AMDHD1: variants seen among roughly 807,000 people sequenced by gnomAD.
AMDHD1 encodes amidohydrolase domain containing 1.
In AMDHD1, 45 loss-of-function variants were observed where a neutral mutation model predicts 44.1. That is an observed-to-expected ratio of 1.02 (90% confidence interval 0.80 to 1.31). The LOEUF (loss-of-function observed/expected upper bound fraction) is 1.31. Among genes scored for constraint, AMDHD1 ranks in the 50% most tolerant of loss-of-function variants. The probability of loss-of-function intolerance (pLI) is 0.00; values close to 1 mark genes in which losing one functional copy is unlikely to be tolerated. For synonymous variants in AMDHD1, 206 were observed against 205.0 expected (o/e 1.00, Z -0.04); for missense variants, 586 against 552.1 (o/e 1.06, Z -0.61).
chr12:95,951,227 C>G (rs116000024), intron 1 of AMDHD1, among the ~76,000 whole-genome samples: 308 of 152,152 alleles, frequency 2.0e-3, no homozygotes, highest in African/African-American at 7.1e-3. Context: ...CCCCATTTTT[C>G]TCCTCTCCCC....
chr12:95,959,318 A>G (rs1368371519), intron 4 of AMDHD1, among the ~76,000 whole-genome samples: 1 of 152,206 alleles, frequency 6.6e-6, no homozygotes, highest in Non-Finnish European at 1.5e-5. Context: ...CGTGGCCACC[A>G]TGTGGTAGAG....
chr12:95,947,672 G>A (rs1180872749), intron 1 of AMDHD1, among the ~76,000 whole-genome samples: 5 of 50,350 alleles, frequency 9.9e-5, no homozygotes, highest in African/African-American at 3.7e-4. Flanking sequence ...GGAGGTGAGG[G>A]GCGCCTCTGC....
chr12:95,963,592 A>C (rs1049254802), intron 6 of AMDHD1, among the ~76,000 whole-genome samples: 1 of 152,254 alleles, frequency 6.6e-6, no homozygotes, highest in Non-Finnish European at 1.5e-5. Flanking sequence ...CACAATGTAG[A>C]CTATAATCAG....
chr12:95,944,842 A>G (rs891133118), intron 1 of AMDHD1, among the ~76,000 whole-genome samples: 2 of 152,190 alleles, frequency 1.3e-5, no homozygotes, highest in African/African-American at 2.4e-5. Flanking sequence ...TATAAAAATT[A>G]TATCAATGCG....
chr12:95,949,364 TA>T (rs1348505588), intron 1 of AMDHD1, among the ~76,000 whole-genome samples: 1 of 152,172 alleles, frequency 6.6e-6, no homozygotes, highest in Non-Finnish European at 1.5e-5. Context: ...TCATCATCAT[TA>T]CTGTTTTCAT....
chr12:95,967,736 GTTTTTTT>G lies in AMDHD1; in HGVS notation c.1194-11_1194-5del. 1 of 1,259,506 alleles carries G rather than the reference GTTTTTTT, an allele frequency of 7.9e-7. No individual in the cohort carries two copies. The highest frequency in any genetic ancestry group is 1.7e-5 in the African/African-American group (1 of 60,340). The allele number at this position is 1,259,506 out of a possible 1,614,324, so 78.0% of individuals were successfully genotyped here. ...TGCACACATTGAAGTAATATTTGTT[GTTTTTTT>G]TTTTTTTTCTAGATGGGAGCATTTG... On this transcript the variant is annotated splice_polypyrimidine_tract_variant and intron_variant, in intron 8 of 8. Coordinates refer to ENST00000266736, the MANE Select transcript of AMDHD1 (RefSeq NM_152435.3).
chr12:95,962,432 G>A lies in AMDHD1; in HGVS notation c.891G>A (p.Thr297=), dbSNP rs547323409. ...ATGAAGGCATCGTTGCCATGGCAAC[G>A]GCCAGGTGCTCTGCCATCCTTCTGC... is the stretch of plus-strand genomic sequence containing the variant. ...VSDEGIVAMA[T]ARCSAILLPT... is the part of the protein sequence containing the mutation. Residue 297 remains threonine, a synonymous_variant, in exon 6 of 9, where the codon ACG becomes ACA. Coordinates refer to ENST00000266736, the MANE Select transcript of AMDHD1 (RefSeq NM_152435.3). The A allele has an allele frequency of 1.6e-5, 26 of 1,613,944 alleles. No individual in the cohort carries two copies. The highest frequency in any genetic ancestry group is 8.9e-5 in the East Asian group (4 of 44,870).
intron 2 of AMDHD1, among the ~76,000 whole-genome samples, chr12:95,953,526 T>G (rs989844498): frequency 2.0e-5 from 3 of 152,058 alleles, no homozygotes; most frequent in Non-Finnish European, 2.9e-5. Context: ...ATATAAAATT[T>G]TTATACTTTT....
intron 1 of AMDHD1, among the ~76,000 whole-genome samples, chr12:95,949,585 A>G (rs1410179673): frequency 6.6e-6 from 1 of 152,190 alleles, no homozygotes; most frequent in African/African-American, 2.4e-5. Context: ...GGAAAAAGTC[A>G]CTCAAACCCC....
At chr12:95,954,302 G>T (rs944154120) in intron 2 of AMDHD1, among the ~76,000 whole-genome samples, 5 of 152,102 alleles carry the variant, frequency 3.3e-5, no homozygotes, top group African/African-American at 7.2e-5. Flanking sequence ...AGGAGTAGTG[G>T]CTGATGCTTG....
intron 1 of AMDHD1, among the ~76,000 whole-genome samples, chr12:95,951,209 T>G (rs2080524495): frequency 2.6e-5 from 4 of 152,182 alleles, no homozygotes. Flanking sequence ...TTTCTAGCCA[T>G]TAACAATCCC....
intron 4 of AMDHD1, among the ~76,000 whole-genome samples, chr12:95,960,178 T>C (rs2080573730): frequency 6.6e-6 from 1 of 152,166 alleles, no homozygotes; most frequent in African/African-American, 2.4e-5. Context: ...TCTCTGTGCA[T>C]AGGGTCAGTG....
At chr12:95,964,654 T>C (rs1201271320) in intron 6 of AMDHD1, among the ~76,000 whole-genome samples, 2 of 151,912 alleles carry the variant, frequency 1.3e-5, no homozygotes, top group African/African-American at 4.8e-5. Flanking sequence ...TGATCGATCA[T>C]AGACTGGGAG....
In AMDHD1 at chr12:95,943,350, C is replaced by T; in HGVS notation, c.-49C>T. On this transcript the variant is annotated 5_prime_UTR_variant, in exon 1 of 9. Transcript: ENST00000266736. ...CTTTTCGTCCTCCACTGAGTCCTGC[C>T]GGTGGCCCGAGCCCGGTGGCCTCCC... 7.0e-7 allele frequency: 1 copy of T among 1,437,410 alleles called. No homozygotes were observed. The highest frequency in any genetic ancestry group is 9.1e-7 in the Non-Finnish European group (1 of 1,100,390). The allele number at this position is 1,437,410 out of a possible 1,614,324, so 89.0% of individuals were successfully genotyped here.
At chr12:95,961,177 A>G (rs944193017) in intron 5 of AMDHD1, among the ~76,000 whole-genome samples, 2 of 151,756 alleles carry the variant, frequency 1.3e-5, no homozygotes, top group African/African-American at 2.4e-5. Flanking sequence ...AAAAAGAATT[A>G]CCTCAGTGAT....
At chr12:95,945,723 A>G (rs892790420) in intron 1 of AMDHD1, among the ~76,000 whole-genome samples, 5 of 152,126 alleles carry the variant, frequency 3.3e-5, no homozygotes, top group African/African-American at 1.2e-4. Context: ...TTAAAAGCAC[A>G]GAGAAGTGGA....
chr12:95,962,517 T>C, intron 6 of AMDHD1, 38 bp downstream of exon 6: 1 of 1,573,186 alleles, frequency 6.4e-7, no homozygotes, highest in Non-Finnish European at 8.7e-7. Context: ...GAGCTGCAAG[T>C]ACAAGCTGTG....
intron 6 of AMDHD1, among the ~76,000 whole-genome samples, chr12:95,964,225 C>T (rs147048338): frequency 2.0e-5 from 3 of 152,048 alleles, no homozygotes; most frequent in South Asian, 2.1e-4. Context: ...CAGGGGCAGT[C>T]GAAGTGAAGG....
At chr12:95,961,995 C>T (rs1036501185) in intron 5 of AMDHD1, among the ~76,000 whole-genome samples, 6 of 152,180 alleles carry the variant, frequency 3.9e-5, no homozygotes, top group Admixed American at 6.5e-5. Flanking sequence ...AGGCCATGCT[C>T]GGTGGCTCAC....
Sources: gnomAD v4.1 joint callset for allele counts (sites outside exome capture counted in the v4.1 genomes callset) on GRCh38, gnomAD v4.1.1 for gene constraint, MANE v1.5 for transcripts, NCBI Gene and HGNC (gene_info 2026-07-23, HGNC 2026-07-21) for gene names.